Variants in SHOX observed in about 807,000 individuals in gnomAD.
SHOX encodes short stature homeobox protein.
A neutral mutation model predicts 29.6 loss-of-function variants in SHOX; 12 were observed. That is an observed-to-expected ratio of 0.41 (90% CI 0.26 to 0.66). The LOEUF is 0.66. Among genes scored for constraint, SHOX ranks in the 30% least tolerant of loss-of-function variants. The pLI is 0.35. For missense variants in SHOX, 499 were observed against 437.7 expected, an observed-to-expected ratio of 1.14 and a Z score of -1.25; for synonymous variants, 214 against 200.6, an observed-to-expected ratio of 1.07 and a Z score of -0.57.
chrX:634,752 G>A lies in SHOX; in HGVS notation c.412G>A (p.Glu138Lys). 6.2e-7 allele frequency: 1 copy of A among 1,611,690 alleles called. No homozygotes were observed. Among genetic ancestry groups the A allele is most frequent in the South Asian group, 1.1e-5 (1 of 90,578 alleles). Reference sequence around the variant, plus strand: ...GAACGAGCTCGAGCGACTCTTCGACGAGACCCATTACCCCGACGCCTTCAT... The same window carrying A: ...GAACGAGCTCGAGCGACTCTTCGACAAGACCCATTACCCCGACGCCTTCAT... ...QLNELERLFD[E>K]THYPDAFMRE... Residue 138 changes from glutamate (E) to lysine (K), a missense_variant, in exon 2 of 5, where the codon GAG (glutamate) becomes AAG (lysine). Glu to Lys is a moderately conservative substitution (Grantham distance 56). Coordinates refer to ENST00000686671, the MANE Select transcript of SHOX (RefSeq NM_000451.4).
upstream of SHOX, among the ~76,000 whole-genome samples, chrX:629,121 C>G (rs1451372225): frequency 6.8e-6 from 1 of 148,020 alleles, no homozygotes. Flanking sequence ...GTTTCTCTCT[C>G]TCCATCTCTC....
chrX:635,594 C>G (rs1324377616), intron 2 of SHOX, among the ~76,000 whole-genome samples: 4 of 152,210 alleles, frequency 2.6e-5, no homozygotes, highest in Non-Finnish European at 5.9e-5. Flanking sequence ...GGGGGCTCCC[C>G]GAGGAGCGCG....
At chrX:631,238 G>C in intron 1 of SHOX, 64 bp downstream of exon 1, 5 of 1,588,286 alleles carry the variant, frequency 3.1e-6, no homozygotes, top group Non-Finnish European at 1.7e-6. Flanking sequence ...CCTCGCCACG[G>C]AGTCGGCCCC....
At chrX:631,843 G>C in intron 1 of SHOX, 1 of 452,176 alleles carries the variant, frequency 2.2e-6, no homozygotes. Context: ...GGGTCCTGAC[G>C]GCTTAGGATG....
In SHOX at chrX:645,634, C is replaced by T. The variant is rs2052954092; in HGVS notation, c.*998C>T. ...CGTTACCTCTTCTCCCAGCGCTGGC[C>T]GCCTGGCCACTGAGGGCCCTTTGCA... On this transcript the variant is annotated 3_prime_UTR_variant, in exon 5 of 5. Coordinates refer to ENST00000686671, the MANE Select transcript of SHOX (RefSeq NM_000451.4). 1.3e-5 allele frequency: 2 copies of T among 151,950 alleles called. No individual in the cohort carries two copies. The highest frequency in any genetic ancestry group is 1.9e-4 in the East Asian group (1 of 5,156). 9.4% of individuals were successfully genotyped at this position (151,950 alleles called of 1,614,324 possible).
intron 1 of SHOX, among the ~76,000 whole-genome samples, chrX:632,500 A>T (rs764132112): frequency 6.6e-6 from 1 of 152,250 alleles, no homozygotes; most frequent in South Asian, 2.1e-4. Flanking sequence ...CGCAGAGTTG[A>T]GGTGCGAGGG....
intron 2 of SHOX, among the ~76,000 whole-genome samples, chrX:637,279 T>A (rs1054261959): frequency 2.0e-5 from 3 of 152,066 alleles, no homozygotes; most frequent in Non-Finnish European, 4.4e-5. Flanking sequence ...AAAGTTTCGC[T>A]AAAGGGGACA....
At chrX:625,805 G>A (rs55713378), upstream of SHOX, among the ~76,000 whole-genome samples, 121,460 of 135,564 alleles carry the variant, frequency 0.9, 54,499 homozygotes, top group African/African-American at 0.96. Flanking sequence ...CTCTCTCTGT[G>A]TCTCTGTCTC....
At position 650,048 on chromosome X, in the gene SHOX, A is replaced by G. The variant is rs2053030838; in HGVS notation, c.*5412A>G. The G allele has an allele frequency of 2.2e-6, 1 of 455,414 alleles. No individual in the cohort carries two copies. Among genetic ancestry groups the G allele is most frequent in the East Asian group, 6.9e-5 (1 of 14,392 alleles). The allele number at this position is 455,414 out of a possible 1,614,324, so 28.2% of individuals were successfully genotyped here. On this transcript the variant is annotated 3_prime_UTR_variant, in exon 5 of 5. Coordinates refer to ENST00000686671, the MANE Select transcript of SHOX (RefSeq NM_000451.4). ...ACTTTGCAAAGGTGTGTTCCTGGCA[A>G]TTGCCAAGAGTTAGAAAAATGCACC...
At chrX:625,764 A>C (rs1327281800) in intron 1 of SHOX, among the ~76,000 whole-genome samples, 52 of 90,790 alleles carry the variant, frequency 5.7e-4, no homozygotes, top group Middle Eastern at 0.012. Flanking sequence ...CTCTGTCTGT[A>C]TCTCTGTCTG....
At chrX:643,650 CT>C (rs1486942362) in intron 4 of SHOX, among the ~76,000 whole-genome samples, 1 of 94,754 alleles carries the variant, frequency 1.1e-5, no homozygotes, top group Non-Finnish European at 2.0e-5. Context: ...TGGGGAGAGG[CT>C]GGGGGACCTG....
chrX:633,524 G>C (rs1453512891), intron 1 of SHOX, among the ~76,000 whole-genome samples: 1 of 151,682 alleles, frequency 6.6e-6, no homozygotes, highest in Non-Finnish European at 1.5e-5. Context: ...AAGGAAGAAA[G>C]ACAGAACAGG....
chrX:650,591 A>T lies in SHOX; in HGVS notation c.*5955A>T, dbSNP rs1196455610. Among the ~76,000 whole-genome samples, 1 of 151,646 alleles carries T rather than the reference A, an allele frequency of 6.6e-6. No individual in the cohort carries two copies. Among genetic ancestry groups the T allele is most frequent in the Non-Finnish European group, 1.5e-5 (1 of 67,946 alleles). The stretch of plus-strand genomic sequence containing the variant: ...CTCTGGGTTTCATGCTGACCTTTCT[A>T]ACATTTGTTTTCCCCTAAGAACAAG... On this transcript the variant is annotated 3_prime_UTR_variant, in exon 5 of 5. Transcript: ENST00000686671.
intron 1 of SHOX, chrX:631,974 C>G: frequency 2.2e-6 from 1 of 456,130 alleles, no homozygotes; most frequent in Non-Finnish European, 4.4e-6. Flanking sequence ...CACGGGAAGA[C>G]TCGAGGCTGC....
chrX:630,494 C>T (rs1464462303), upstream of SHOX: 2 of 303,204 alleles, frequency 6.6e-6, no homozygotes, highest in Non-Finnish European at 1.2e-5. Context: ...TTCCTCCGGC[C>T]ACGGAGAGAA....
At chrX:653,224 G>A (rs1370939115), downstream of SHOX, among the ~76,000 whole-genome samples, 5 of 152,136 alleles carry the variant, frequency 3.3e-5, no homozygotes, top group South Asian at 2.1e-4. Flanking sequence ...CTGGGCGACA[G>A]AGCCAGACGC....
chrX:627,988 C>T (rs192540418), upstream of SHOX, among the ~76,000 whole-genome samples: 2 of 152,192 alleles, frequency 1.3e-5, no homozygotes, highest in African/African-American at 2.4e-5. Flanking sequence ...AAAAGTTACC[C>T]GGCCTCTGAG....
At chrX:643,940 A>T (rs1190098090) in intron 4 of SHOX, among the ~76,000 whole-genome samples, 1 of 108,744 alleles carries the variant, frequency 9.2e-6, no homozygotes, top group Non-Finnish European at 1.9e-5. Flanking sequence ...GGACCTGGTG[A>T]TCTTGGAGAG....
chrX:631,874 T>C (rs1282500369), intron 1 of SHOX: 3 of 455,954 alleles, frequency 6.6e-6, no homozygotes, highest in South Asian at 4.6e-5. Context: ...TCTCTGCCTG[T>C]CTGCCTTGTA....
Sources: gnomAD v4.1 joint callset for allele counts (sites outside exome capture counted in the v4.1 genomes callset) on GRCh38, gnomAD v4.1.1 for gene constraint, MANE v1.5 for transcripts, NCBI Gene and HGNC (gene_info 2026-07-23, HGNC 2026-07-21) for gene names.